Variants in PERM1 observed in about 807,000 individuals in gnomAD.
PERM1 encodes PGC-1 and ERR-induced regulator in muscle protein 1.
A neutral mutation model predicts 44.1 loss-of-function variants in PERM1; 45 were observed. The ratio of observed to expected loss-of-function variants is 1.02; its 90% confidence interval spans 0.80 to 1.31. PERM1 has a LOEUF of 1.31. PERM1 is among the 50% of genes most tolerant of loss of function. The pLI is 0.00. For missense variants in PERM1, 1,189 were observed against 1,106.9 expected, an observed-to-expected ratio of 1.07 and a Z score of -1.05; for synonymous variants, 565 against 477.1, an observed-to-expected ratio of 1.18 and a Z score of -2.40.
At chr1:980,553 G>A in exon 1 of PERM1, 1 of 1,460,320 alleles carries the variant, frequency 6.8e-7, no homozygotes, top group Non-Finnish European at 9.0e-7. Context: ...TGTGGCCAGG[G>A]GACTTGGGAC....
chr1:976,117 C>T (rs1419320062), exon 3 of PERM1: 1 of 1,519,958 alleles, frequency 6.6e-7, no homozygotes, highest in Non-Finnish European at 8.9e-7. Context: ...TCGTCCTGCC[C>T]TGGGCGCCTG....
exon 3 of PERM1, chr1:976,215 A>C (rs7417106): frequency 6.5e-7 from 1 of 1,538,098 alleles, no homozygotes; most frequent in Non-Finnish European, 8.8e-7. Context: ...CCCTTGCCCC[A>C]CCTGCCGGCG....
Position 979,943 on chromosome 1 carries a change from GTA to G in PERM1, c.1085_1086del (p.Ile362ThrfsTer8). Reference sequence around the variant, plus strand: ...GTGTCAGATTGCGGCTTGGAGGCAGGTATAGACACAGCCATGTCCCTGTCAGG... The same window carrying G: ...GTGTCAGATTGCGGCTTGGAGGCAGGTAGACACAGCCATGTCCCTGTCAGG... On this transcript the variant is annotated frameshift_variant, in exon 1 of 3. Transcript: ENST00000433179. LOFTEE classifies it high-confidence loss of function. The G allele has an allele frequency of 6.5e-7, 1 of 1,550,250 alleles. No homozygotes were observed. Among genetic ancestry groups the G allele is most frequent in the Non-Finnish European group, 8.7e-7 (1 of 1,146,938 alleles).
chr1:979,103 C>G, exon 1 of PERM1: 2 of 1,549,648 alleles, frequency 1.3e-6, no homozygotes, highest in East Asian at 2.4e-5. Flanking sequence ...GGGGCCGGCA[C>G]AGGATCAGCT....
At chr1:976,387 T>TG in intron 2 of PERM1, 112 bp downstream of exon 3, 2 of 1,511,194 alleles carry the variant, frequency 1.3e-6, no homozygotes, top group Non-Finnish European at 1.8e-6. Context: ...CAGCTCAGCC[T>TG]GGGGGGAGCA....
exon 1 of PERM1, chr1:980,452 C>T: frequency 1.3e-6 from 2 of 1,538,716 alleles, no homozygotes; most frequent in South Asian, 1.2e-5. Flanking sequence ...TGTGTGCCCA[C>T]CCCCCTTGGC....
upstream of PERM1, chr1:982,075 G>A: frequency 1.6e-6 from 2 of 1,288,234 alleles, no homozygotes; most frequent in Non-Finnish European, 2.0e-6. Context: ...CTGGGTCCCG[G>A]CGGCCGAGCT....
At chr1:980,946 C>G (rs1052890218) in exon 1 of PERM1, 3 of 1,442,664 alleles carry the variant, frequency 2.1e-6, no homozygotes, top group Middle Eastern at 2.5e-4. Context: ...GGCCGGCCTG[C>G]AGGAGGCCAC....
At chr1:982,090 G>A (rs191948107), upstream of PERM1, 346 of 1,287,982 alleles carry the variant, frequency 2.7e-4, no homozygotes, top group Admixed American at 1.2e-3. Context: ...CGAGCTGGGC[G>A]TCTGAGCTGC....
upstream of PERM1, among the ~76,000 whole-genome samples, chr1:981,833 C>A (rs1340935829): frequency 6.6e-6 from 1 of 152,254 alleles, no homozygotes. Context: ...GAGACCCTAG[C>A]CAGCTGTCGG....
exon 1 of PERM1, chr1:979,860 G>T: frequency 1.3e-6 from 2 of 1,549,170 alleles, no homozygotes; most frequent in African/African-American, 2.7e-5. Context: ...GTGGCTTGGA[G>T]ATGGGTGTAG....
exon 3 of PERM1, chr1:976,074 G>C (rs1643590353): frequency 1.4e-5 from 17 of 1,207,854 alleles, no homozygotes; most frequent in Non-Finnish European, 1.9e-5. Context: ...CGGTAGAAGA[G>C]AGGGGTCAGA....
chr1:976,462 T>C (rs1303809927), intron 2 of PERM1, 37 bp downstream of exon 3: 23 of 1,549,164 alleles, frequency 1.5e-5, no homozygotes, highest in Non-Finnish European at 1.9e-5. Context: ...CGGTCTGGCT[T>C]CTAGGCGCAG....
chr1:981,042 G>A (rs1198060615), upstream of PERM1: 5 of 1,538,254 alleles, frequency 3.3e-6, no homozygotes, highest in African/African-American at 1.4e-5. Context: ...GGAGTCAGCA[G>A]AGGCACTGGA....
intron 1 of PERM1, 143 bp downstream of exon 2, chr1:978,738 A>C (rs1643694121): frequency 1.4e-6 from 1 of 738,290 alleles, no homozygotes; most frequent in South Asian, 2.5e-5. Flanking sequence ...TGCTGGGATG[A>C]CTGGGGGCTG....
At chr1:979,420 C>A (rs879843009) in exon 1 of PERM1, 2 of 1,525,360 alleles carry the variant, frequency 1.3e-6, no homozygotes, top group Non-Finnish European at 8.8e-7. Context: ...GGCTCCGGGC[C>A]CCCCGTGGGC....
Position 980,128 on chromosome 1 carries a change from GAC to G in PERM1, c.900_901del (p.Ser301TyrfsTer9), listed in dbSNP as rs1274280218. 5 of 1,550,332 alleles carry G rather than the reference GAC, an allele frequency of 3.2e-6. No individual in the cohort carries two copies. Among genetic ancestry groups the G allele is most frequent in the South Asian group, 2.4e-5 (2 of 84,054 alleles). On this transcript the variant is annotated frameshift_variant, in exon 1 of 3. Coordinates refer to ENST00000433179, the Ensembl canonical transcript of PERM1. LOFTEE classifies it high-confidence loss of function. The stretch of plus-strand genomic sequence containing the variant: ...AGGTTGCGGCTCGGAGGCAGGTGTA[GAC>G]ACAGCCATGTCTGACTTAGCCCTTG...
chr1:978,757 G>A (rs1643694506), intron 1 of PERM1, 124 bp downstream of exon 2: 7 of 871,590 alleles, frequency 8.0e-6, no homozygotes, highest in South Asian at 2.3e-5. Flanking sequence ...TGGTCCCCAG[G>A]CTCCCCTGCT....
At chr1:982,087 G>A, upstream of PERM1, 4 of 1,288,024 alleles carry the variant, frequency 3.1e-6, no homozygotes, top group Non-Finnish European at 3.0e-6. Context: ...GGCCGAGCTG[G>A]GCGTCTGAGC....
Sources: gnomAD v4.1 joint callset for allele counts (sites outside exome capture counted in the v4.1 genomes callset) on GRCh38, gnomAD v4.1.1 for gene constraint, MANE v1.5 for transcripts, NCBI Gene and HGNC (gene_info 2026-07-23, HGNC 2026-07-21) for gene names.